The following UACA variants were observed in gnomAD, a reference collection of about 807,000 sequenced individuals.
UACA encodes the protein nuclear membrane binding protein.
Under a neutral mutation model 160.5 loss-of-function variants are expected in UACA, and 112 were observed. That is an observed-to-expected ratio of 0.70 (90% CI 0.60 to 0.82). The LOEUF is 0.82. Among genes scored for constraint, UACA ranks in the 40% least tolerant of loss-of-function variants. UACA has a pLI of 0.00. For synonymous variants in UACA, 557 were observed against 568.4 expected (o/e 0.98, Z 0.29); for missense variants, 1,574 against 1,614.6 (o/e 0.97, Z 0.43).
intron 17 of UACA, among the ~76,000 whole-genome samples, chr15:70,663,705 T>G (rs867817627): frequency 3.8e-4 from 58 of 152,196 alleles, no homozygotes; most frequent in African/African-American, 1.3e-3. Flanking sequence ...AAGGATGAGT[T>G]CATGTCCTTT....
At chr15:70,684,961 A>G (rs1206892055) in intron 7 of UACA, among the ~76,000 whole-genome samples, 2 of 152,050 alleles carry the variant, frequency 1.3e-5, no homozygotes, top group African/African-American at 4.8e-5. Flanking sequence ...ATTTTCCACA[A>G]CTGATACTGT....
At chr15:70,702,017 G>A (rs1898383568) in intron 1 of UACA, 1 of 1,554,140 alleles carries the variant, frequency 6.4e-7, no homozygotes, top group South Asian at 1.2e-5. Flanking sequence ...CTCCTGACAA[G>A]TGACTCAGTC....
At chr15:70,689,239 T>C (rs1480854378) in intron 5 of UACA, among the ~76,000 whole-genome samples, 1 of 152,182 alleles carries the variant, frequency 6.6e-6, no homozygotes, top group Non-Finnish European at 1.5e-5. Flanking sequence ...AAAATGACCA[T>C]GAGTGACCTG....
chr15:70,766,213 C>A (rs1384619209), upstream of UACA, among the ~76,000 whole-genome samples: 3 of 152,172 alleles, frequency 2.0e-5, no homozygotes, highest in African/African-American at 7.2e-5. Flanking sequence ...AAGTAAATAG[C>A]ACTGGTCTGA....
rs776698354 is a variant in UACA, at chr15:70,660,219, A to T, written c.4114-3T>A. 10 of 1,613,124 alleles carry T rather than the reference A, an allele frequency of 6.2e-6. No homozygotes were observed. Among genetic ancestry groups the T allele is most frequent in the Non-Finnish European group, 7.6e-6 (9 of 1,179,326 alleles). On this transcript the variant is annotated splice_polypyrimidine_tract_variant and splice_region_variant and intron_variant, in intron 17 of 18. Coordinates refer to ENST00000322954, the MANE Select transcript of UACA (RefSeq NM_018003.4). Reference sequence around the variant, plus strand: ...TCTTGGTGCTGTCTGTCAGCATCCTAGAAATGTGGAAAGATGGACAGATGT... The same window carrying T: ...TCTTGGTGCTGTCTGTCAGCATCCTTGAAATGTGGAAAGATGGACAGATGT...
rs1468924503 is a variant in UACA at position 70,729,568 on chromosome 15, T to G, written c.79-29908A>C. Among the ~76,000 whole-genome samples, 2 of 105,248 alleles carry G rather than the reference T, an allele frequency of 1.9e-5. 1 individual carries two copies. Among genetic ancestry groups the G allele is most frequent in the African/African-American group, 1.3e-4 (2 of 15,484 alleles). The allele number at this position is 105,248 out of a possible 152,430, so 69.0% of individuals were successfully genotyped here. The stretch of plus-strand genomic sequence containing the variant: ...CGAGCTCCCAGGGCCTTTCTGCTGC[T>G]TCCTCTACCCCTGTATTTTGCTCGG... On this transcript the variant is annotated intron_variant, in intron 1 of 18. Transcript: ENST00000322954.
intron 1 of UACA, among the ~76,000 whole-genome samples, chr15:70,729,726 G>A (rs1358344756): frequency 2.1e-5 from 3 of 142,878 alleles, no homozygotes; most frequent in South Asian, 2.2e-4. Context: ...CGCAGAAGAC[G>A]GTGATTTCTG....
intron 17 of UACA, chr15:70,660,863 T>G (rs192710345): frequency 6.6e-6 from 1 of 152,202 alleles, no homozygotes; most frequent in South Asian, 2.1e-4. Context: ...TTATAATTGT[T>G]CTATTTTATT....
chr15:70,769,446 G>T, the UACA span, among the ~76,000 whole-genome samples: 2 of 150,408 alleles, frequency 1.3e-5, no homozygotes, highest in Admixed American at 1.3e-4. Context: ...CATTTAAATT[G>T]AAATTGCTAT....
intron 1 of UACA, among the ~76,000 whole-genome samples, chr15:70,710,104 A>G (rs1773475114): frequency 6.6e-6 from 1 of 152,028 alleles, no homozygotes; most frequent in South Asian, 2.1e-4. Flanking sequence ...AAAAAATACA[A>G]AAAAATTAGG....
chr15:70,714,198 T>C (rs977800446), intron 1 of UACA, among the ~76,000 whole-genome samples: 8 of 152,186 alleles, frequency 5.3e-5, no homozygotes, highest in African/African-American at 1.9e-4. Context: ...TTAAGAACTG[T>C]TCTACAGTTC....
chr15:70,679,733 A>ATT, intron 9 of UACA, 57 bp from the exon 10 acceptor site: 1 of 1,126,242 alleles, frequency 8.9e-7, no homozygotes, highest in Non-Finnish European at 1.3e-6. Flanking sequence ...AGAAAAGTAT[A>ATT]TTTTCCTCAA....
At chr15:70,769,166 G>A in the UACA span, among the ~76,000 whole-genome samples, 2,214 of 151,902 alleles carry the variant, frequency 0.015, 52 homozygotes, top group African/African-American at 0.05. Flanking sequence ...AGACCATCCT[G>A]GCTAACACGG....
chr15:70,726,873 A>G (rs1899158862), intron 1 of UACA, among the ~76,000 whole-genome samples: 1 of 152,128 alleles, frequency 6.6e-6, no homozygotes, highest in Non-Finnish European at 1.5e-5. Flanking sequence ...GCTGAGCCCT[A>G]TAAAGTCAGG....
chr15:70,769,338 CA>C, the UACA span, among the ~76,000 whole-genome samples: 298 of 77,690 alleles, frequency 3.8e-3, no homozygotes, highest in African/African-American at 0.015. Flanking sequence ...GACTCCGACT[CA>C]AAAAAAAAAA....
At chr15:70,774,746 A>G in the UACA span, among the ~76,000 whole-genome samples, 1 of 152,110 alleles carries the variant, frequency 6.6e-6, no homozygotes, top group Admixed American at 6.6e-5. Context: ...TATACCTATA[A>G]TGATTCACTA....
In UACA at chr15:70,759,237, G is replaced by A. The variant is rs139786427; in HGVS notation, c.78+4093C>T. ...TAAATTTCCTAAACTAGGTGAAAAT[G>A]GAACAAGCATATTCTCACTATACAT... is the stretch of plus-strand genomic sequence containing the variant. On this transcript the variant is annotated intron_variant, in intron 1 of 18. Transcript: ENST00000322954. Among the ~76,000 whole-genome samples, 397 of 152,280 alleles carry A rather than the reference G, an allele frequency of 2.6e-3. 2 individuals carry two copies. The highest frequency in any genetic ancestry group is 9.4e-3 in the African/African-American group (390 of 41,542).
intron 1 of UACA, among the ~76,000 whole-genome samples, chr15:70,725,033 A>G (rs1899103572): frequency 2.0e-5 from 3 of 152,060 alleles, no homozygotes; most frequent in Admixed American, 2.0e-4. Context: ...TTAAGGCTGC[A>G]GTGAGCCATC....
chr15:70,705,351 T>A (rs1898494487), intron 1 of UACA, among the ~76,000 whole-genome samples: 2 of 151,822 alleles, frequency 1.3e-5, no homozygotes, highest in Non-Finnish European at 2.9e-5. Flanking sequence ...CAATGGGGTT[T>A]AGTAGAGAAA....
Sources: gnomAD v4.1 joint callset for allele counts (sites outside exome capture counted in the v4.1 genomes callset) on GRCh38, gnomAD v4.1.1 for gene constraint, MANE v1.5 for transcripts, NCBI Gene and HGNC (gene_info 2026-07-23, HGNC 2026-07-21) for gene names.